The following ZNF521 variants were observed in gnomAD, a reference collection of about 807,000 sequenced individuals.
The protein encoded by ZNF521 is zinc finger protein 521.
ZNF521 carries 14 observed loss-of-function variants against 105.5 expected under a neutral mutation model. The ratio of observed to expected loss-of-function variants is 0.13; its 90% CI spans 0.09 to 0.21. The LOEUF (loss-of-function observed/expected upper bound fraction) is 0.21, where lower values mean the gene tolerates loss of function less well. Ranked by LOEUF, ZNF521 falls within the 10% of genes least tolerant of loss-of-function variation. The pLI is 1.00. For synonymous variants in ZNF521, 635 were observed against 606.0 expected (o/e 1.05, Z -0.70); for missense variants, 1,233 against 1,629.7 (o/e 0.76, Z 4.19).
At chr18:25,331,777 A>C (rs1913582223) in intron 2 of ZNF521, among the ~76,000 whole-genome samples, 1 of 152,186 alleles carries the variant, frequency 6.6e-6, no homozygotes, top group South Asian at 2.1e-4. Context: ...GGCTTGCTGC[A>C]ATGTAGCAAT....
chr18:25,314,444 A>C (rs561656417), intron 3 of ZNF521, among the ~76,000 whole-genome samples: 1 of 152,328 alleles, frequency 6.6e-6, no homozygotes, highest in South Asian at 2.1e-4. Context: ...TCAGCTTACA[A>C]AAATTGTATG....
chr18:25,188,565 C>T (rs1243493416), intron 5 of ZNF521, among the ~76,000 whole-genome samples: 2 of 152,138 alleles, frequency 1.3e-5, no homozygotes, highest in African/African-American at 4.8e-5. Context: ...AAATGCTTTG[C>T]AAGCTTCATT....
chr18:25,180,839 AAAC>A (rs59270952), intron 5 of ZNF521, among the ~76,000 whole-genome samples: 17 of 151,888 alleles, frequency 1.1e-4, no homozygotes, highest in East Asian at 3.9e-4. Flanking sequence ...GCCTCATTCA[AAAC>A]AACAACAACA....
At chr18:25,163,877 G>C (rs1016212711) in intron 5 of ZNF521, among the ~76,000 whole-genome samples, 1 of 152,166 alleles carries the variant, frequency 6.6e-6, no homozygotes, top group Non-Finnish European at 1.5e-5. Flanking sequence ...AACAGGGCCT[G>C]CTGGTTTGGG....
At position 25,224,613 on chromosome 18, in the gene ZNF521, C is replaced by G; in HGVS notation, c.3305G>C (p.Ser1102Thr). 6.2e-7 allele frequency: 1 copy of G among 1,614,086 alleles called. No individual in the cohort carries two copies. Among genetic ancestry groups the G allele is most frequent in the Non-Finnish European group, 8.5e-7 (1 of 1,180,018 alleles). Reference sequence around the variant, plus strand: ...AGGGACGTTAATGCCTGGGCTGGCGCTCTTACTGAGATTCACGCAGCCGGC... The same window carrying G: ...AGGGACGTTAATGCCTGGGCTGGCGGTCTTACTGAGATTCACGCAGCCGGC... ...LCAGCVNLSK[S>T]ASPGINVPPG... is the part of the protein sequence containing the mutation. Residue 1102 changes from serine to threonine, a missense_variant, in exon 4 of 8, where the codon AGC (serine) becomes ACC (threonine). Ser to Thr is a moderately conservative substitution (Grantham distance 58). Transcript: ENST00000361524.
intron 5 of ZNF521, among the ~76,000 whole-genome samples, chr18:25,190,836 A>G (rs183861127): frequency 3.9e-5 from 6 of 152,356 alleles, no homozygotes; most frequent in East Asian, 1.9e-4. Context: ...CAACACATAG[A>G]GTACGTATCT....
At chr18:25,091,330 T>G (rs1411866873) in intron 6 of ZNF521, among the ~76,000 whole-genome samples, 1 of 152,164 alleles carries the variant, frequency 6.6e-6, no homozygotes, top group Non-Finnish European at 1.5e-5. Flanking sequence ...AGTTTCAGAT[T>G]TACTTTTTTT....
At chr18:25,122,171 A>G (rs1253303614) in intron 5 of ZNF521, among the ~76,000 whole-genome samples, 1 of 152,226 alleles carries the variant, frequency 6.6e-6, no homozygotes, top group Non-Finnish European at 1.5e-5. Flanking sequence ...GATGGATTTA[A>G]CAGCAGATTA....
chr18:25,302,580 C>A (rs139370555), intron 3 of ZNF521: 228 of 152,240 alleles, frequency 1.5e-3, no homozygotes, highest in Middle Eastern at 6.8e-3. Flanking sequence ...GGCAAACATT[C>A]CCTGGGGTCA....
At chr18:25,088,399 TTA>T (rs2033672858) in intron 7 of ZNF521, among the ~76,000 whole-genome samples, 1 of 151,778 alleles carries the variant, frequency 6.6e-6, no homozygotes, top group African/African-American at 2.4e-5. Context: ...TTTTGTATTT[TTA>T]GTAGAGATGG....
In ZNF521 at chr18:25,258,801, A is replaced by T. The variant is rs147841259; in HGVS notation, c.221-31104T>A. Among the ~76,000 whole-genome samples, 1,283 of 145,998 alleles carry T rather than the reference A, an allele frequency of 8.8e-3. 19 individuals are homozygous for T. Among genetic ancestry groups the T allele is most frequent in the African/African-American group, 0.03 (1,201 of 39,448 alleles). On this transcript the variant is annotated intron_variant, in intron 3 of 7. Transcript: ENST00000361524. ...CTATTTATAAAAGAAGACCACTTAT[A>T]TGGGTTTCCTATGGGCTGCCTCTCC...
chr18:25,148,195 G>A, intron 5 of ZNF521, among the ~76,000 whole-genome samples: 1 of 152,172 alleles, frequency 6.6e-6, no homozygotes, highest in Non-Finnish European at 1.5e-5. Context: ...AATGAATCCT[G>A]GGATTAAACA....
chr18:25,064,916 T>C (rs1417653695), intron 7 of ZNF521, among the ~76,000 whole-genome samples: 1 of 152,216 alleles, frequency 6.6e-6, no homozygotes, highest in Non-Finnish European at 1.5e-5. Context: ...ATACAGGAAA[T>C]AGCAAATTGT....
intron 5 of ZNF521, among the ~76,000 whole-genome samples, chr18:25,138,631 G>C (rs993559386): frequency 6.6e-6 from 1 of 152,112 alleles, no homozygotes; most frequent in Non-Finnish European, 1.5e-5. Flanking sequence ...AACAGAAAAT[G>C]TATGATCAAA....
chr18:25,345,978 A>G (rs1450564535), intron 2 of ZNF521, among the ~76,000 whole-genome samples: 1 of 152,184 alleles, frequency 6.6e-6, no homozygotes, highest in Non-Finnish European at 1.5e-5. Context: ...TCATGAAAAA[A>G]AATCTCTCTC....
chr18:25,070,294 TTTG>T (rs1053299064), intron 7 of ZNF521, among the ~76,000 whole-genome samples: 1 of 152,186 alleles, frequency 6.6e-6, no homozygotes, highest in Non-Finnish European at 1.5e-5. Flanking sequence ...GAAGGACATT[TTTG>T]TTGTTGTTCT....
intron 5 of ZNF521, among the ~76,000 whole-genome samples, chr18:25,140,970 C>T (rs530271171): frequency 2.6e-5 from 4 of 152,294 alleles, no homozygotes; most frequent in South Asian, 4.1e-4. Context: ...ATTTACCCAA[C>T]AAGATGAACA....
chr18:25,170,450 TA>T (rs971894844), intron 5 of ZNF521, among the ~76,000 whole-genome samples: 2 of 152,146 alleles, frequency 1.3e-5, no homozygotes, highest in Non-Finnish European at 2.9e-5. Flanking sequence ...GACTGCAAAG[TA>T]AAAAGTTGTT....
At chr18:25,213,633 C>G (rs909782379) in intron 4 of ZNF521, among the ~76,000 whole-genome samples, 1 of 152,020 alleles carries the variant, frequency 6.6e-6, no homozygotes, top group East Asian at 1.9e-4. Flanking sequence ...GTTTTGATAT[C>G]AGGATCATAT....
Sources: allele counts gnomAD v4.1 joint callset (sites outside exome capture counted in the v4.1 genomes callset), GRCh38; gene constraint gnomAD v4.1.1; transcripts MANE v1.5; gene names NCBI Gene and HGNC (gene_info 2026-07-23, HGNC 2026-07-21).